Variants in TP73 observed in about 807,000 individuals in gnomAD.
The protein encoded by TP73 is p53-like transcription factor.
A neutral mutation model predicts 62.5 loss-of-function variants in TP73; 25 were observed. The observed-to-expected ratio is 0.40, with a 90% CI of 0.29 to 0.56. TP73 has a LOEUF of 0.56. Among genes scored for constraint, TP73 ranks in the 20% least tolerant of loss-of-function variants. The pLI, the probability that TP73 is intolerant of heterozygous loss-of-function variation, is 0.46. For missense variants in TP73, 754 were observed against 913.3 expected (o/e 0.83, Z 2.25); for synonymous variants, 423 against 377.5 (o/e 1.12, Z -1.40).
At position 3,699,529 on chromosome 1, in the gene TP73, G is replaced by A. The variant is rs1288061907; in HGVS notation, c.187-8020G>A. The stretch of plus-strand genomic sequence containing the variant: ...CCAGCTGAGCCCTCAGGAGACTCCA[G>A]GCAGGCCCCGATGCCAGACTCCAGC... On this transcript the variant is annotated intron_variant, in intron 3 of 13. Transcript: ENST00000378295. The surrounding 1 kb of genome is among the most constrained non-coding windows in gnomAD (Gnocchi z 4.1). Among the ~76,000 whole-genome samples, 1 of 152,200 alleles carries A rather than the reference G, an allele frequency of 6.6e-6. No individual in the cohort carries two copies. The highest frequency in any genetic ancestry group is 1.5e-5 in the Non-Finnish European group (1 of 68,030).
rs1645206240 is a variant in TP73, at chr1:3,670,097, G to A, written c.-33-12236G>A. ...GGCCTCCTGGATGGGCATGTGGCTC[G>A]GGGGGCGAGACCATGGGCTCTTCCT... is the stretch of plus-strand genomic sequence containing the variant. On this transcript the variant is annotated intron_variant, in intron 1 of 13. Coordinates refer to ENST00000378295, the MANE Select transcript of TP73 (RefSeq NM_005427.4). The surrounding 1 kb of genome is among the most constrained non-coding windows in gnomAD (Gnocchi z 5.9). Among the ~76,000 whole-genome samples the A allele has an allele frequency of 2.6e-5, 4 of 152,060 alleles. No individual in the cohort carries two copies. Among genetic ancestry groups the A allele is most frequent in the South Asian group, 4.2e-4 (2 of 4,802 alleles).
chr1:3,706,518 G>T (rs1195857236), intron 3 of TP73, among the ~76,000 whole-genome samples: 1 of 152,002 alleles, frequency 6.6e-6, no homozygotes, highest in Non-Finnish European at 1.5e-5. Context: ...CGGGGAGAGG[G>T]GGGTAAAGGC....
chr1:3,680,610 T>C (rs553053909), intron 1 of TP73, among the ~76,000 whole-genome samples: 1 of 152,272 alleles, frequency 6.6e-6, no homozygotes, highest in East Asian at 1.9e-4. Context: ...CCCACATACC[T>C]GCACCAAGAG....
chr1:3,705,503 G>C (rs1317270084), intron 3 of TP73, among the ~76,000 whole-genome samples: 1 of 152,270 alleles, frequency 6.6e-6, no homozygotes, highest in Admixed American at 6.5e-5. Context: ...AATGGTGCCA[G>C]ATGATGGCAG....
intron 4 of TP73, chr1:3,708,060 C>A: frequency 1.8e-6 from 1 of 562,968 alleles, no homozygotes. Flanking sequence ...CTGGTGAGAT[C>A]TCTGCCAAGA....
intron 2 of TP73, 55 bp from the exon 3 acceptor site, chr1:3,683,005 T>C (rs1645560267): frequency 6.4e-7 from 1 of 1,565,022 alleles, no homozygotes; most frequent in South Asian, 1.2e-5. Context: ...TGGGAGGTAT[T>C]GGGGTGACAC....
chr1:3,674,345 C>A (rs1053363917), intron 1 of TP73, among the ~76,000 whole-genome samples: 7 of 152,356 alleles, frequency 4.6e-5, no homozygotes, highest in African/African-American at 1.4e-4. Context: ...CAGCTGTCCG[C>A]ATATTTCACA....
intron 3 of TP73, among the ~76,000 whole-genome samples, chr1:3,683,674 C>T (rs938079731): frequency 3.3e-5 from 5 of 152,208 alleles, no homozygotes; most frequent in African/African-American, 1.2e-4. Context: ...GCTCCACCAG[C>T]ATGCCCTATC....
rs1210380904 is a variant in TP73 at position 3,727,652 on chromosome 1, C to A, written c.867C>A (p.Ser289=). 1.2e-6 allele frequency: 2 copies of A among 1,600,748 alleles called. No homozygotes were observed. The highest frequency in any genetic ancestry group is 1.7e-6 in the Non-Finnish European group (2 of 1,176,256). ...GTGGGCAGGTGCTGGGCCGCCGGTC[C>A]TTTGAGGGCCGCATCTGCGCCTGTC... is the stretch of plus-strand genomic sequence containing the variant. The part of the protein sequence containing the change: ...MRDGQVLGRR[S]FEGRICACPG... Residue 289 remains serine, a synonymous_variant, in exon 8 of 14, where the codon TCC becomes TCA. Coordinates refer to ENST00000378295, the MANE Select transcript of TP73 (RefSeq NM_005427.4).
At chr1:3,669,942 G>A (rs1645203002) in intron 1 of TP73, among the ~76,000 whole-genome samples, 1 of 152,236 alleles carries the variant, frequency 6.6e-6, no homozygotes. Context: ...ATGTGCAAGT[G>A]TGTTGCTAGA....
intron 3 of TP73, among the ~76,000 whole-genome samples, chr1:3,693,739 A>C (rs1320148453): frequency 2.2e-5 from 3 of 138,566 alleles, no homozygotes; most frequent in African/African-American, 8.6e-5. Flanking sequence ...CCAGCCCTGC[A>C]GCCTCAGCTC....
chr1:3,713,298 C>T (rs928994030), intron 4 of TP73, among the ~76,000 whole-genome samples: 6 of 152,196 alleles, frequency 3.9e-5, no homozygotes, highest in Admixed American at 2.0e-4. Flanking sequence ...GCTTGGGGAC[C>T]GGCCTCTCCT....
intron 3 of TP73, among the ~76,000 whole-genome samples, chr1:3,695,094 C>T (rs6700120): frequency 0.02 from 3,081 of 152,342 alleles, 98 homozygotes; most frequent in African/African-American, 0.068. Flanking sequence ...TCTGAGTCTG[C>T]GGCTCCCACG....
At chr1:3,697,328 A>G (rs1377322010) in intron 3 of TP73, among the ~76,000 whole-genome samples, 9 of 152,140 alleles carry the variant, frequency 5.9e-5, no homozygotes, top group Admixed American at 5.9e-4. Context: ...CTCTCCCGCT[A>G]TCCCCCTGGG....
At chr1:3,695,571 C>A (rs899756609) in intron 3 of TP73, among the ~76,000 whole-genome samples, 5 of 152,252 alleles carry the variant, frequency 3.3e-5, no homozygotes, top group Non-Finnish European at 5.9e-5. Context: ...TGGACACCCC[C>A]ACTCCCGTGC....
intron 1 of TP73, among the ~76,000 whole-genome samples, chr1:3,671,163 G>C (rs1220798977): frequency 1.3e-5 from 2 of 152,212 alleles, no homozygotes; most frequent in Non-Finnish European, 2.9e-5. Context: ...CAGGTTTCAG[G>C]GTTCCAGGGC....
At chr1:3,726,417 G>GGGGT in intron 6 of TP73, among the ~76,000 whole-genome samples, 1 of 144,932 alleles carries the variant, frequency 6.9e-6, no homozygotes, top group Non-Finnish European at 1.5e-5. Context: ...ATGGATGGAT[G>GGGGT]GGGTGGGTGT....
At chr1:3,712,444 G>C (rs1640228885) in intron 4 of TP73, 1 of 152,192 alleles carries the variant, frequency 6.6e-6, no homozygotes, top group South Asian at 2.1e-4. Context: ...GGGCCCTGGA[G>C]GTCACAGAAC....
rs544945068 is a variant in TP73, at chr1:3,732,825, G to T, written c.1657G>T (p.Asp553Tyr). 6.2e-7 allele frequency: 1 copy of T among 1,609,928 alleles called. No homozygotes were observed. The highest frequency in any genetic ancestry group is 2.2e-5 in the East Asian group (1 of 44,814). Reference protein sequence around the residue: ...RGLQDLKQGHDYSTAQQLLRS... With the variant: ...RGLQDLKQGHYYSTAQQLLRS... ...CCTGCAGGACCTGAAGCAGGGCCAC[G>T]ACTACAGCACCGCGCAGCAGCTGCT... The change falls in exon 14 of 14, where the codon GAC (aspartate) becomes TAC (tyrosine). Residue 553 changes from aspartate to tyrosine, a missense_variant. By Grantham distance (160) the Asp-to-Tyr change is radical. Coordinates refer to ENST00000378295, the MANE Select transcript of TP73 (RefSeq NM_005427.4).
Sources: allele counts gnomAD v4.1 joint callset (sites outside exome capture counted in the v4.1 genomes callset), GRCh38; gene constraint gnomAD v4.1.1; non-coding constraint Gnocchi (gnomAD v3.1); transcripts MANE v1.5; gene names NCBI Gene and HGNC (gene_info 2026-07-23, HGNC 2026-07-21).